Variants in ERICH3 observed in about 807,000 individuals in gnomAD.
The protein encoded by ERICH3 is glutamate-rich protein 3.
Under a neutral mutation model 131.1 loss-of-function variants are expected in ERICH3, and 126 were observed. The ratio of observed to expected loss-of-function variants is 0.96; its 90% CI spans 0.83 to 1.11. ERICH3 has a LOEUF of 1.11. Ranked by LOEUF, ERICH3 falls within the 50% of genes most tolerant of loss-of-function variation. ERICH3 has a pLI of 0.00. For synonymous variants in ERICH3, 695 were observed against 644.6 expected (o/e 1.08, Z -1.18); for missense variants, 2,050 against 1,810.7 (o/e 1.13, Z -2.40).
intron 1 of ERICH3, among the ~76,000 whole-genome samples, chr1:74,662,454 C>T (rs558467464): frequency 1.3e-5 from 2 of 150,916 alleles, no homozygotes; most frequent in African/African-American, 2.4e-5. Context: ...CTATTGACTT[C>T]AACAGAAAAA....
In ERICH3 at chr1:74,572,154, T is replaced by A. The variant is rs755897832; in HGVS notation, c.3556A>T (p.Arg1186Ter). Residue 1186 changes from arginine to a stop codon, truncating the protein, a stop_gained, in exon 14 of 15, where the codon AGA becomes TGA. Coordinates refer to ENST00000326665, the MANE Select transcript of ERICH3 (RefSeq NM_001002912.5). LOFTEE classifies it high-confidence loss of function. ...EGGGERLSEA[R>*]DTEHKDREEL... ...TCTCTGTCTTTGTGCTCTGTGTCTC[T>A]GGCTTCACTCAGTCTTTCCCCTCCT... 14 of 1,613,746 alleles carry A rather than the reference T, an allele frequency of 8.7e-6. No homozygotes were observed. Among genetic ancestry groups the A allele is most frequent in the Non-Finnish European group, 1.2e-5 (14 of 1,179,946 alleles).
intron 12 of ERICH3, among the ~76,000 whole-genome samples, chr1:74,581,274 A>G (rs1012865515): frequency 1.3e-5 from 2 of 152,154 alleles, no homozygotes; most frequent in African/African-American, 4.8e-5. Flanking sequence ...TGTGTGGAAT[A>G]GCATATTTTT....
chr1:74,644,230 C>T (rs192093137), intron 3 of ERICH3, among the ~76,000 whole-genome samples: 3 of 152,098 alleles, frequency 2.0e-5, no homozygotes, highest in South Asian at 2.1e-4. Flanking sequence ...TTTCCTCTCT[C>T]TCTTCCTCTG....
At chr1:74,574,008 T>C (rs1647008194) in intron 13 of ERICH3, among the ~76,000 whole-genome samples, 1 of 150,300 alleles carries the variant, frequency 6.7e-6, no homozygotes. Flanking sequence ...TTTTTTTTTT[T>C]CAGGCAGGGT....
rs1334810693 is a variant in ERICH3 at position 74,576,933 on chromosome 1, T to G, written c.2180A>C (p.Lys727Thr). Residue 727 changes from lysine (K) to threonine (T), a missense_variant, in exon 13 of 15, where the codon AAG becomes ACG. By Grantham distance (78) the Lys-to-Thr change is moderately conservative (BLOSUM62 -1). Coordinates refer to ENST00000326665, the MANE Select transcript of ERICH3 (RefSeq NM_001002912.5). ...AGLPGLEEGGKDSLPLAYVLA... is the reference protein window; with the variant it reads ...AGLPGLEEGGTDSLPLAYVLA... ...GACATAGGCTAATGGCAATGAATCC[T>G]TTCCTAGTTAAAAAAAAAAAAAAGA... The G allele has an allele frequency of 6.3e-7, 1 of 1,595,340 alleles. No homozygotes were observed. The highest frequency in any genetic ancestry group is 1.4e-5 in the African/African-American group (1 of 72,788).
At chr1:74,664,189 A>G (rs1313275343) in intron 1 of ERICH3, among the ~76,000 whole-genome samples, 1 of 152,118 alleles carries the variant, frequency 6.6e-6, no homozygotes, top group Non-Finnish European at 1.5e-5. Context: ...GGAATATAAT[A>G]AAAATGGAAA....
chr1:74,633,163 T>TC (rs5775250), intron 6 of ERICH3, among the ~76,000 whole-genome samples: 107,048 of 151,464 alleles, frequency 0.71, 38,668 homozygotes, highest in African/African-American at 0.85. Context: ...GAAAGGAAAG[T>TC]ACTCTCCAAA....
chr1:74,634,613 A>T, intron 6 of ERICH3: 3 of 706,668 alleles, frequency 4.2e-6, no homozygotes, highest in Non-Finnish European at 7.9e-6. Flanking sequence ...GAAACAAAGT[A>T]TTGATCAAAG....
intron 13 of ERICH3, among the ~76,000 whole-genome samples, chr1:74,574,367 C>CA (rs771903181): frequency 1.3e-5 from 2 of 152,124 alleles, no homozygotes; most frequent in Non-Finnish European, 2.9e-5. Flanking sequence ...TTTAGCAACA[C>CA]AATCATTATA....
At chr1:74,589,269 T>C in intron 12 of ERICH3, 2 of 360,948 alleles carry the variant, frequency 5.5e-6, no homozygotes, top group Non-Finnish European at 9.9e-6. Context: ...ACTCCATATA[T>C]AGCTAAAAAC....
upstream of ERICH3, chr1:74,673,879 T>G (rs1646764766): frequency 4.0e-6 from 1 of 249,884 alleles, no homozygotes; most frequent in Non-Finnish European, 7.5e-6. Flanking sequence ...AGCAAGCCCC[T>G]GCTCTGTTGC....
At chr1:74,623,791 C>T (rs1413703148) in intron 7 of ERICH3, 2 of 152,116 alleles carry the variant, frequency 1.3e-5, no homozygotes, top group Non-Finnish European at 2.9e-5. Context: ...TTCCAACATT[C>T]CCCAGGCAAC....
rs894131004 is a variant in ERICH3 at position 74,647,460 on chromosome 1, G to T, written c.118-668C>A. Among the ~76,000 whole-genome samples, 6 of 151,990 alleles carry T rather than the reference G, an allele frequency of 3.9e-5. No homozygotes were observed. In the East Asian group the frequency reaches 9.7e-4, roughly 25 times the overall value. Reference sequence around the variant, plus strand: ...TAATTTAATTTGTTGTTTTGATTCAGAATTTTACAGATTATGCATTAGCAT... The same window carrying T: ...TAATTTAATTTGTTGTTTTGATTCATAATTTTACAGATTATGCATTAGCAT... On this transcript the variant is annotated intron_variant, in intron 2 of 14. Transcript: ENST00000326665.
chr1:74,649,557 A>G (rs1404047571), intron 1 of ERICH3, among the ~76,000 whole-genome samples: 2 of 152,106 alleles, frequency 1.3e-5, no homozygotes, highest in African/African-American at 4.8e-5. Flanking sequence ...CACATCAACA[A>G]GTAAAGTGGA....
intron 5 of ERICH3, among the ~76,000 whole-genome samples, chr1:74,637,677 T>A (rs1309524876): frequency 1.3e-5 from 2 of 152,106 alleles, no homozygotes; most frequent in African/African-American, 2.4e-5. Flanking sequence ...CCCAACACTT[T>A]GGGAGGCCAT....
chr1:74,582,320 TTCTC>T (rs1441963671), intron 12 of ERICH3, among the ~76,000 whole-genome samples: 1 of 152,190 alleles, frequency 6.6e-6, no homozygotes, highest in Non-Finnish European at 1.5e-5. Context: ...CCTGATGTCT[TTCTC>T]TAATTTGCCC....
At chr1:74,613,476 C>T (rs1648801727) in intron 8 of ERICH3, among the ~76,000 whole-genome samples, 1 of 152,138 alleles carries the variant, frequency 6.6e-6, no homozygotes, top group African/African-American at 2.4e-5. Flanking sequence ...TCTTGCTATG[C>T]TATCTATTGA....
Position 74,612,823 on chromosome 1 carries a change from AGAAATACATTAGT to A in ERICH3, c.1001-27_1001-15del, listed in dbSNP as rs759184273. 2 of 1,554,490 alleles carry A rather than the reference AGAAATACATTAGT, an allele frequency of 1.3e-6. No homozygotes were observed. The highest frequency in any genetic ancestry group is 2.4e-5 in the South Asian group (2 of 84,796). On this transcript the variant is annotated splice_polypyrimidine_tract_variant and intron_variant, in intron 8 of 14. Transcript: ENST00000326665. ...ACTGAAAGGTCTCTGGAATTAAAATAGAAATACATTAGTGAAAGCAACTGACTTCGGACTAACA... is the reference window on the plus strand; with the variant it reads ...ACTGAAAGGTCTCTGGAATTAAAATAGAAAGCAACTGACTTCGGACTAACA...
At chr1:74,594,363 G>A (rs769693082) in intron 11 of ERICH3, among the ~76,000 whole-genome samples, 6 of 150,962 alleles carry the variant, frequency 4.0e-5, no homozygotes, top group African/African-American at 7.3e-5. Flanking sequence ...AGCTTGATAC[G>A]CCTGACCAAG....
Sources: gnomAD v4.1 joint callset for allele counts (sites outside exome capture counted in the v4.1 genomes callset) on GRCh38, gnomAD v4.1.1 for gene constraint, MANE v1.5 for transcripts, NCBI Gene and HGNC (gene_info 2026-07-23, HGNC 2026-07-21) for gene names.